SH3D19: variants seen among roughly 807,000 people sequenced by gnomAD.
SH3D19 encodes the protein SH3 domain-containing protein 19.
Under a neutral mutation model 112.1 loss-of-function variants are expected in SH3D19, and 58 were observed. The ratio of observed to expected loss-of-function variants is 0.52; its 90% CI spans 0.42 to 0.64. The LOEUF is 0.64. Ranked by LOEUF, SH3D19 falls within the 30% of genes least tolerant of loss-of-function variation. The pLI is 0.00. For missense variants in SH3D19, 1,090 were observed against 1,263.4 expected (o/e 0.86, Z 2.08); for synonymous variants, 391 against 448.5 (o/e 0.87, Z 1.62).
chr4:151,175,995 T>A (rs1759901457), intron 6 of SH3D19, among the ~76,000 whole-genome samples: 1 of 152,072 alleles, frequency 6.6e-6, no homozygotes, highest in Non-Finnish European at 1.5e-5. Flanking sequence ...TTCAGCTTCC[T>A]GAGTAGCTGG....
intron 1 of SH3D19, among the ~76,000 whole-genome samples, chr4:151,290,220 C>T (rs747372689): frequency 3.2e-4 from 49 of 152,236 alleles, no homozygotes; most frequent in Non-Finnish European, 5.4e-4. Context: ...ACTAGGATTA[C>T]AGACACGAAC....
intron 17 of SH3D19, among the ~76,000 whole-genome samples, chr4:151,131,573 G>GC (rs935397663): frequency 1.4e-5 from 2 of 146,736 alleles, no homozygotes; most frequent in African/African-American, 2.5e-5. Flanking sequence ...TGCAAACTCT[G>GC]CCCCCCGGGT....
intron 9 of SH3D19, among the ~76,000 whole-genome samples, chr4:151,155,282 T>C (rs1420864433): frequency 6.6e-6 from 1 of 152,224 alleles, no homozygotes; most frequent in Non-Finnish European, 1.5e-5. Flanking sequence ...TATCCTCTTT[T>C]GGGCTTTCTT....
At chr4:151,165,811 A>G in intron 7 of SH3D19, 115 bp from the exon 8 acceptor site, 3 of 801,146 alleles carry the variant, frequency 3.7e-6, no homozygotes, top group East Asian at 2.7e-5. Flanking sequence ...CTATTCATGG[A>G]TAAACAAAAT....
At chr4:151,285,539 C>T (rs1774662069) in intron 1 of SH3D19, among the ~76,000 whole-genome samples, 1 of 152,102 alleles carries the variant, frequency 6.6e-6, no homozygotes, top group Admixed American at 6.5e-5. Context: ...AACAACATAT[C>T]AAATCTTATG....
intron 2 of SH3D19, among the ~76,000 whole-genome samples, chr4:151,201,927 G>C (rs767602125): frequency 3.3e-5 from 5 of 151,656 alleles, no homozygotes; most frequent in Admixed American, 3.3e-4. Flanking sequence ...CAGGAGATTT[G>C]CTTGAACTCG....
intron 1 of SH3D19, among the ~76,000 whole-genome samples, chr4:151,316,159 G>A (rs985303496): frequency 4.3e-4 from 65 of 152,226 alleles, no homozygotes; most frequent in African/African-American, 1.3e-3. Context: ...CTTTACCTCT[G>A]TGATCTTCCT....
chr4:151,141,299 T>C (rs533120659), intron 12 of SH3D19, among the ~76,000 whole-genome samples: 1 of 152,254 alleles, frequency 6.6e-6, no homozygotes, highest in South Asian at 2.1e-4. Flanking sequence ...CTAATTTTTG[T>C]ATTTTTTGTA....
intron 1 of SH3D19, 95 bp downstream of exon 1, chr4:151,325,146 C>T: frequency 5.0e-6 from 3 of 602,254 alleles, no homozygotes; most frequent in Admixed American, 4.6e-5. Context: ...CCCATCCCGG[C>T]GCGTGAAGGA....
intron 1 of SH3D19, among the ~76,000 whole-genome samples, chr4:151,310,887 T>C (rs1033946495): frequency 1.3e-5 from 2 of 151,562 alleles, no homozygotes; most frequent in African/African-American, 4.8e-5. Context: ...AATCCCTATC[T>C]CAAAGAGATA....
At chr4:151,129,411 C>A (rs1750127368) in intron 17 of SH3D19, among the ~76,000 whole-genome samples, 1 of 152,142 alleles carries the variant, frequency 6.6e-6, no homozygotes, top group African/African-American at 2.4e-5. Context: ...GCTCTGTTGC[C>A]CAGGCTGAAG....
intron 1 of SH3D19, among the ~76,000 whole-genome samples, chr4:151,265,930 G>A (rs138927588): frequency 6.6e-6 from 1 of 152,110 alleles, no homozygotes; most frequent in Non-Finnish European, 1.5e-5. Context: ...TCATTGTTGG[G>A]AATGAGGGAA....
rs373126283 is a variant in SH3D19, at chr4:151,307,285, G to C, written c.112+17956C>G. ...GATCCGCCCGCCTCGGCCTCCCAAAGTGCTGGGATTACAGGCGTGAGCCAC... is the reference window on the plus strand; with the variant it reads ...GATCCGCCCGCCTCGGCCTCCCAAACTGCTGGGATTACAGGCGTGAGCCAC... On this transcript the variant is annotated intron_variant, in intron 1 of 19. Coordinates refer to ENST00000604030, the MANE Select transcript of SH3D19 (RefSeq NM_001378122.1). Among the ~76,000 whole-genome samples, 280 of 152,214 alleles carry C rather than the reference G, an allele frequency of 1.8e-3. 1 individual carries two copies. The highest frequency in any genetic ancestry group is 0.017 in the Middle Eastern group (5 of 294).
intron 2 of SH3D19, among the ~76,000 whole-genome samples, chr4:151,214,887 G>A (rs1286889219): frequency 6.9e-6 from 1 of 145,710 alleles, no homozygotes; most frequent in Admixed American, 6.8e-5. Context: ...GGTGGCTGCC[G>A]GGCGGAGGGG....
Position 151,133,242 on chromosome 4 carries a change from TGAA to T in SH3D19, c.2487-9_2487-7del, listed in dbSNP as rs1751110610. ...GAGCAACACATCTTGAGCCTCTGAA[TGAA>T]GAACACATTTTGTGGATTAGACTAG... On this transcript the variant is annotated splice_region_variant and splice_polypyrimidine_tract_variant and intron_variant, in intron 15 of 19. Coordinates refer to ENST00000604030, the MANE Select transcript of SH3D19 (RefSeq NM_001378122.1). The T allele has an allele frequency of 1.2e-6, 2 of 1,613,648 alleles. No homozygotes were observed. The highest frequency in any genetic ancestry group is 1.3e-5 in the African/African-American group (1 of 75,038).
intron 1 of SH3D19, among the ~76,000 whole-genome samples, chr4:151,255,253 G>A (rs1287575864): frequency 6.8e-6 from 1 of 146,998 alleles, no homozygotes; most frequent in Non-Finnish European, 1.5e-5. Flanking sequence ...GGGCGGAGGG[G>A]CTCCTCACTT....
At chr4:151,147,536 A>C (rs965076969) in intron 11 of SH3D19, among the ~76,000 whole-genome samples, 1 of 152,172 alleles carries the variant, frequency 6.6e-6, no homozygotes, top group Non-Finnish European at 1.5e-5. Flanking sequence ...ATCTTGGCTC[A>C]CTGCAACCTC....
chr4:151,178,520 A>C (rs1371238744), intron 4 of SH3D19, among the ~76,000 whole-genome samples: 1 of 152,230 alleles, frequency 6.6e-6, no homozygotes, highest in Admixed American at 6.5e-5. Context: ...GTTATTAGTT[A>C]ATAAACGTTA....
At chr4:151,238,023 TAATA>T (rs201194895) in intron 1 of SH3D19, among the ~76,000 whole-genome samples, 3,036 of 152,172 alleles carry the variant, frequency 0.02, 53 homozygotes, top group Middle Eastern at 0.034. Context: ...CTGGCAGAAG[TAATA>T]AATAAGCCCT....
Sources: gnomAD v4.1 joint callset for allele counts (sites outside exome capture counted in the v4.1 genomes callset) on GRCh38, gnomAD v4.1.1 for gene constraint, MANE v1.5 for transcripts, NCBI Gene and HGNC (gene_info 2026-07-23, HGNC 2026-07-21) for gene names.